Variants in FNDC3B observed in about 807,000 individuals in gnomAD.
FNDC3B encodes fibronectin type III domain containing 3B.
In FNDC3B, 12 loss-of-function variants were observed where a neutral mutation model predicts 151.5. The ratio of observed to expected loss-of-function variants is 0.08; its 90% CI spans 0.05 to 0.13. The LOEUF (loss-of-function observed/expected upper bound fraction) is 0.13. Among genes scored for constraint, FNDC3B ranks in the 10% least tolerant of loss-of-function variants. The pLI, the probability that FNDC3B is intolerant of heterozygous loss-of-function variation, is 1.00. For synonymous variants in FNDC3B, 528 were observed against 549.0 expected (o/e 0.96, Z 0.54); for missense variants, 1,214 against 1,505.3 (o/e 0.81, Z 3.20).
At chr3:172,368,246 G>A (rs1734723583) in intron 23 of FNDC3B, among the ~76,000 whole-genome samples, 1 of 147,908 alleles carries the variant, frequency 6.8e-6, no homozygotes. Flanking sequence ...CTACAGCTTG[G>A]GCAACAGAGT....
intron 13 of FNDC3B, among the ~76,000 whole-genome samples, chr3:172,331,817 C>T (rs1732691186): frequency 6.6e-6 from 1 of 152,170 alleles, no homozygotes; most frequent in South Asian, 2.1e-4. Context: ...GGCAGTCCTT[C>T]CCTGATCACA....
intron 1 of FNDC3B, among the ~76,000 whole-genome samples, chr3:172,076,047 A>G (rs61692023): frequency 6.6e-6 from 1 of 152,076 alleles, no homozygotes; most frequent in Non-Finnish European, 1.5e-5. Flanking sequence ...TTAAGGTCCC[A>G]GTTTCCAAAG....
intron 25 of FNDC3B, among the ~76,000 whole-genome samples, chr3:172,384,461 T>A (rs1735605291): frequency 1.3e-5 from 2 of 152,230 alleles, no homozygotes; most frequent in South Asian, 4.1e-4. Flanking sequence ...TTTATTCTGT[T>A]CCATAGCAAT....
At chr3:172,207,606 T>C (rs1485710800) in intron 3 of FNDC3B, among the ~76,000 whole-genome samples, 8 of 152,148 alleles carry the variant, frequency 5.3e-5, no homozygotes, top group Non-Finnish European at 7.4e-5. Flanking sequence ...TGGGCGGCCA[T>C]GGGCGGGGCC....
At chr3:172,135,263 G>A (rs1432290543) in intron 3 of FNDC3B, among the ~76,000 whole-genome samples, 1 of 152,110 alleles carries the variant, frequency 6.6e-6, no homozygotes, top group Non-Finnish European at 1.5e-5. Context: ...GTATGTGTGT[G>A]TGTGTGTGTA....
At chr3:172,048,115 G>A (rs1396481758) in intron 1 of FNDC3B, among the ~76,000 whole-genome samples, 1 of 152,068 alleles carries the variant, frequency 6.6e-6, no homozygotes, top group Non-Finnish European at 1.5e-5. Flanking sequence ...AAGATTTCTG[G>A]ATATTTTACG....
intron 6 of FNDC3B, among the ~76,000 whole-genome samples, chr3:172,275,346 T>C (rs565957618): frequency 2.0e-5 from 3 of 150,972 alleles, no homozygotes; most frequent in Non-Finnish European, 4.4e-5. Context: ...CTATGATGAA[T>C]GTCATGTTTT....
intron 1 of FNDC3B, among the ~76,000 whole-genome samples, chr3:172,053,216 A>G (rs1183997747): frequency 6.6e-6 from 1 of 152,230 alleles, no homozygotes; most frequent in Non-Finnish European, 1.5e-5. Context: ...GCTGGTACAT[A>G]TTGAGTGCCC....
chr3:172,357,735 AG>A (rs1734163666), intron 22 of FNDC3B, among the ~76,000 whole-genome samples: 2 of 151,134 alleles, frequency 1.3e-5, no homozygotes, highest in Admixed American at 1.3e-4. Flanking sequence ...TCAGTTCCTC[AG>A]TTTTTTTTTT....
intron 2 of FNDC3B, among the ~76,000 whole-genome samples, chr3:172,123,713 C>G (rs1199773763): frequency 6.6e-6 from 1 of 152,032 alleles, no homozygotes; most frequent in East Asian, 1.9e-4. Context: ...ATCACCTTGG[C>G]AAAAAAGTCA....
At chr3:172,042,954 G>T (rs1475507981) in intron 1 of FNDC3B, among the ~76,000 whole-genome samples, 4 of 151,742 alleles carry the variant, frequency 2.6e-5, no homozygotes, top group African/African-American at 9.7e-5. Flanking sequence ...TCGCTCTGTA[G>T]CCCAGGCTGG....
intron 3 of FNDC3B, among the ~76,000 whole-genome samples, chr3:172,204,355 G>A (rs1725317852): frequency 6.6e-6 from 1 of 152,090 alleles, no homozygotes; most frequent in African/African-American, 2.4e-5. Context: ...GACCATTTGT[G>A]GCCAAGTTTT....
intron 3 of FNDC3B, among the ~76,000 whole-genome samples, chr3:172,183,740 C>T (rs928748584): frequency 3.1e-4 from 47 of 152,076 alleles, no homozygotes; most frequent in Admixed American, 2.4e-3. Flanking sequence ...AAACTGTAGG[C>T]GGGATGTGTT....
intron 23 of FNDC3B, among the ~76,000 whole-genome samples, chr3:172,370,596 A>G (rs1576953932): frequency 6.6e-6 from 1 of 152,224 alleles, no homozygotes. Flanking sequence ...TGAGCCGTAG[A>G]GAGTTATGTG....
chr3:172,232,820 C>CTTTG (rs896167410), intron 4 of FNDC3B, among the ~76,000 whole-genome samples: 1 of 152,180 alleles, frequency 6.6e-6, no homozygotes, highest in Non-Finnish European at 1.5e-5. Flanking sequence ...TTCTGTGTAA[C>CTTTG]TTTGATAAAT....
At chr3:172,203,277 G>A (rs1725250095) in intron 3 of FNDC3B, among the ~76,000 whole-genome samples, 3 of 152,196 alleles carry the variant, frequency 2.0e-5, no homozygotes, top group African/African-American at 7.2e-5. Context: ...TGGATTTTGT[G>A]TTAATGCTAA....
intron 3 of FNDC3B, among the ~76,000 whole-genome samples, chr3:172,152,640 G>A (rs764560289): frequency 6.2e-5 from 9 of 145,518 alleles, no homozygotes; most frequent in Non-Finnish European, 1.0e-4. Context: ...CATTGGGGCT[G>A]TCTTTTAAGA....
At chr3:172,279,859 A>G (rs956126736) in intron 6 of FNDC3B, among the ~76,000 whole-genome samples, 1 of 152,118 alleles carries the variant, frequency 6.6e-6, no homozygotes, top group African/African-American at 2.4e-5. Flanking sequence ...AAGATGGCCA[A>G]TATTCTTTTT....
chr3:172,362,571 C>G (rs566103785), intron 22 of FNDC3B, 62 bp from the exon 23 acceptor site: 2 of 1,214,310 alleles, frequency 1.6e-6, no homozygotes, highest in South Asian at 1.2e-5. Context: ...ATGTTTATTT[C>G]GAATGAAGAA....
Sources: allele counts gnomAD v4.1 joint callset (sites outside exome capture counted in the v4.1 genomes callset), GRCh38; gene constraint gnomAD v4.1.1; transcripts MANE v1.5; gene names NCBI Gene and HGNC (gene_info 2026-07-23, HGNC 2026-07-21).